Variants in KCNMA1 observed in about 807,000 individuals in gnomAD.
KCNMA1 encodes potassium calcium-activated channel subfamily M alpha 1.
In KCNMA1, 29 loss-of-function variants were observed where a neutral mutation model predicts 140.0. The ratio of observed to expected loss-of-function variants is 0.21; its 90% CI spans 0.15 to 0.28. The LOEUF is 0.28. KCNMA1 is among the 10% of genes least tolerant of loss of function. The probability of loss-of-function intolerance (pLI) is 1.00; values close to 1 mark genes in which losing one functional copy is unlikely to be tolerated. For synonymous variants in KCNMA1, 612 were observed against 611.9 expected (o/e 1.00, Z 0.00); for missense variants, 880 against 1,602.2 (o/e 0.55, Z 7.70).
chr10:77,063,171 G>T (rs938031402), intron 14 of KCNMA1, among the ~76,000 whole-genome samples: 2 of 152,154 alleles, frequency 1.3e-5, no homozygotes, highest in Non-Finnish European at 2.9e-5. Flanking sequence ...CCAGCACTTT[G>T]GGAGGCTGAG....
intron 2 of KCNMA1, among the ~76,000 whole-genome samples, chr10:77,295,693 A>T (rs545216474): frequency 7.1e-4 from 102 of 143,720 alleles, no homozygotes; most frequent in Non-Finnish European, 1.3e-3. Flanking sequence ...AGGCAGGAGA[A>T]TGGCGTGAAC....
intron 21 of KCNMA1, among the ~76,000 whole-genome samples, chr10:76,952,665 A>C (rs2066743444): frequency 6.6e-6 from 1 of 152,224 alleles, no homozygotes; most frequent in Non-Finnish European, 1.5e-5. Flanking sequence ...CCTCTGAGAC[A>C]GCCTCCAGCT....
intron 22 of KCNMA1, among the ~76,000 whole-genome samples, chr10:76,947,464 A>G (rs1239714252): frequency 1.3e-5 from 2 of 152,182 alleles, no homozygotes; most frequent in Non-Finnish European, 2.9e-5. Context: ...CCACACACAT[A>G]CACACACAGA....
At chr10:77,506,411 C>T (rs111600369) in intron 1 of KCNMA1, among the ~76,000 whole-genome samples, 175 of 152,192 alleles carry the variant, frequency 1.1e-3, no homozygotes, top group African/African-American at 3.7e-3. Context: ...GCCTTGTTGG[C>T]TTCTTATACT....
At chr10:77,168,919 T>A (rs770530015) in intron 5 of KCNMA1, among the ~76,000 whole-genome samples, 3 of 152,204 alleles carry the variant, frequency 2.0e-5, no homozygotes. Context: ...ATCTTCTTCA[T>A]GTCATTGCCA....
At chr10:76,933,043 A>C (rs1034798109) in intron 23 of KCNMA1, among the ~76,000 whole-genome samples, 1 of 152,170 alleles carries the variant, frequency 6.6e-6, no homozygotes, top group Admixed American at 6.5e-5. Flanking sequence ...AGTACAGTTT[A>C]TATTAGAGAC....
intron 1 of KCNMA1, among the ~76,000 whole-genome samples, chr10:77,581,327 TGAGAC>T (rs2075804966): frequency 6.6e-6 from 1 of 151,618 alleles, no homozygotes; most frequent in African/African-American, 2.4e-5. Context: ...TTTTTTTTTT[TGAGAC>T]AGAGTCTCGC....
chr10:77,397,777 C>T (rs2096111105), intron 2 of KCNMA1, among the ~76,000 whole-genome samples: 1 of 152,146 alleles, frequency 6.6e-6, no homozygotes, highest in Non-Finnish European at 1.5e-5. Flanking sequence ...TCCCACCCTT[C>T]CACCATTCTG....
intron 5 of KCNMA1, chr10:77,147,661 T>C (rs1252595271): frequency 6.6e-6 from 1 of 152,186 alleles, no homozygotes; most frequent in African/African-American, 2.4e-5. Flanking sequence ...GATAAAAACC[T>C]GAACTCAAAG....
intron 1 of KCNMA1, among the ~76,000 whole-genome samples, chr10:77,585,501 T>G (rs1423619105): frequency 6.6e-6 from 1 of 152,254 alleles, no homozygotes; most frequent in East Asian, 1.9e-4. Flanking sequence ...CAGATTGCTT[T>G]CACTAGATTG....
intron 2 of KCNMA1, among the ~76,000 whole-genome samples, chr10:77,319,473 G>A (rs1216973323): frequency 1.3e-5 from 2 of 152,172 alleles, no homozygotes; most frequent in Non-Finnish European, 2.9e-5. Flanking sequence ...GTTCCTTGAG[G>A]TAGAAAGGTG....
intron 1 of KCNMA1, among the ~76,000 whole-genome samples, chr10:77,504,693 C>T (rs745414667): frequency 6.6e-6 from 1 of 152,100 alleles, no homozygotes; most frequent in Non-Finnish European, 1.5e-5. Flanking sequence ...AACTCCTGGG[C>T]TCAAGCAATT....
intron 14 of KCNMA1, among the ~76,000 whole-genome samples, chr10:77,044,933 A>G (rs567938886): frequency 2.3e-4 from 35 of 152,244 alleles, no homozygotes; most frequent in Non-Finnish European, 4.0e-4. Context: ...GTGTACAAGT[A>G]CCAAAGAGGG....
At chr10:76,938,340 T>G (rs1442736917) in intron 23 of KCNMA1, among the ~76,000 whole-genome samples, 2 of 152,152 alleles carry the variant, frequency 1.3e-5, no homozygotes, top group Non-Finnish European at 2.9e-5. Flanking sequence ...AGCCTGTCCC[T>G]CCACTCTGCC....
chr10:77,471,066 TA>T (rs1567021504), intron 1 of KCNMA1, among the ~76,000 whole-genome samples: 1 of 144,572 alleles, frequency 6.9e-6, no homozygotes, highest in Non-Finnish European at 1.5e-5. Context: ...ACACAACTCA[TA>T]CTACACACAC....
chr10:77,487,251 T>G, intron 1 of KCNMA1, among the ~76,000 whole-genome samples: 1 of 152,136 alleles, frequency 6.6e-6, no homozygotes, highest in East Asian at 1.9e-4. Context: ...TTTCTGTAGG[T>G]AATACATTTT....
chr10:77,533,560 C>T (rs529187328), intron 1 of KCNMA1, among the ~76,000 whole-genome samples: 60 of 152,256 alleles, frequency 3.9e-4, no homozygotes, highest in African/African-American at 1.4e-3. Context: ...AGTCTTTCTT[C>T]CCGCATCCCA....
In KCNMA1 at chr10:76,990,336, T is replaced by C. The variant is rs187560057; in HGVS notation, c.2266+11071A>G. ...AAAATTCACAGATCTCACCCTTGTA[T>C]CTGCCTGCTCTGACGTTTCCTAGAA... On this transcript the variant is annotated intron_variant, in intron 19 of 27. Transcript: ENST00000286628. Among the ~76,000 whole-genome samples the C allele has an allele frequency of 4.6e-5, 7 of 152,340 alleles. No individual in the cohort carries two copies. In the East Asian group the frequency reaches 1.3e-3, roughly 29 times the overall value.
chr10:77,032,523 C>A (rs148567004), intron 15 of KCNMA1, among the ~76,000 whole-genome samples: 1 of 152,034 alleles, frequency 6.6e-6, no homozygotes, highest in Non-Finnish European at 1.5e-5. Context: ...GTATGTCCAA[C>A]GCAGGAAGTT....
Sources: gnomAD v4.1 joint callset for allele counts (sites outside exome capture counted in the v4.1 genomes callset) on GRCh38, gnomAD v4.1.1 for gene constraint, MANE v1.5 for transcripts, NCBI Gene and HGNC (gene_info 2026-07-23, HGNC 2026-07-21) for gene names.